Variants in C3orf52 observed in about 807,000 individuals in gnomAD.
The protein encoded by C3orf52 is chromosome 3 open reading frame 52, also known as TPA-induced transmembrane protein.
C3orf52 carries 22 observed loss-of-function variants against 24.8 expected under a neutral mutation model. That is an observed-to-expected ratio of 0.89 (90% CI 0.63 to 1.27). C3orf52 has a LOEUF of 1.27. C3orf52 is among the 50% of genes most tolerant of loss of function. The probability of loss-of-function intolerance (pLI) is 0.00; values close to 1 mark genes in which losing one functional copy is unlikely to be tolerated. For synonymous variants in C3orf52, 93 were observed against 100.2 expected, an observed-to-expected ratio of 0.93 and a Z score of 0.43; for missense variants, 265 against 260.7, an observed-to-expected ratio of 1.02 and a Z score of -0.11.
chr3:112,108,009 G>A (rs1433241721), intron 3 of C3orf52, among the ~76,000 whole-genome samples: 3 of 152,162 alleles, frequency 2.0e-5, no homozygotes, highest in Non-Finnish European at 4.4e-5. Flanking sequence ...AAGCCATAAT[G>A]GCTGTAGCTG....
At chr3:112,119,581 G>A, downstream of C3orf52, 2 of 700,374 alleles carry the variant, frequency 2.9e-6, no homozygotes, top group South Asian at 1.5e-5. Context: ...TCTCTCTTTT[G>A]TCTTTTACAT....
chr3:112,096,031 T>C (rs1483815089), intron 2 of C3orf52, among the ~76,000 whole-genome samples: 1 of 152,216 alleles, frequency 6.6e-6, no homozygotes, highest in Non-Finnish European at 1.5e-5. Flanking sequence ...CCTGTGGCTG[T>C]CTGGATTTAC....
intron 1 of C3orf52, among the ~76,000 whole-genome samples, 177 bp downstream of exon 1, chr3:112,086,722 C>G (rs1026378037): frequency 6.6e-6 from 1 of 152,126 alleles, no homozygotes; most frequent in Admixed American, 6.5e-5. Flanking sequence ...CCTTTCGGCC[C>G]GAGCAGTCCC....
intron 3 of C3orf52, among the ~76,000 whole-genome samples, chr3:112,108,145 C>G (rs1368420024): frequency 6.6e-6 from 1 of 151,982 alleles, no homozygotes; most frequent in Non-Finnish European, 1.5e-5. Context: ...ATAAAACTAA[C>G]CACTTCAGAT....
chr3:112,102,688 T>C (rs919398165), intron 2 of C3orf52, 150 bp from the exon 3 acceptor site: 2 of 705,316 alleles, frequency 2.8e-6, no homozygotes, highest in Non-Finnish European at 4.4e-6. Flanking sequence ...GGAGAAAGCA[T>C]TTCTGCTTAC....
chr3:112,129,308 A>G (rs1278177133), downstream of C3orf52: 4 of 152,210 alleles, frequency 2.6e-5, no homozygotes, highest in African/African-American at 9.7e-5. Context: ...TTTTAAATCT[A>G]TAAAAGAGGA....
intron 4 of C3orf52, chr3:112,123,649 C>T: frequency 1.2e-6 from 2 of 1,614,144 alleles, no homozygotes; most frequent in Non-Finnish European, 1.7e-6. Flanking sequence ...CTGGGTCTCT[C>T]AGCTTTGCAG....
downstream of C3orf52, chr3:112,123,120 TAAG>T: frequency 3.4e-6 from 1 of 295,380 alleles, no homozygotes; most frequent in East Asian, 8.1e-5. Context: ...GAACACTTTA[TAAG>T]AAGATCCCAG....
chr3:112,116,396 A>T (rs2074133518), intron 5 of C3orf52, among the ~76,000 whole-genome samples: 1 of 152,212 alleles, frequency 6.6e-6, no homozygotes, highest in Admixed American at 6.5e-5. Flanking sequence ...CATCAAAATT[A>T]TTTCTCATGC....
downstream of C3orf52, chr3:112,130,633 G>T (rs902544978): frequency 2.3e-6 from 2 of 873,734 alleles, no homozygotes; most frequent in Non-Finnish European, 3.8e-6. Flanking sequence ...AAATTGACTG[G>T]TTGCCCTCAC....
At chr3:112,107,272 A>G (rs1490563604) in intron 3 of C3orf52, among the ~76,000 whole-genome samples, 1 of 152,232 alleles carries the variant, frequency 6.6e-6, no homozygotes, top group East Asian at 1.9e-4. Context: ...CACCTTTGCC[A>G]TAGGAAGCTC....
chr3:112,129,602 C>G (rs764171171), downstream of C3orf52: 1 of 152,104 alleles, frequency 6.6e-6, no homozygotes, highest in Non-Finnish European at 1.5e-5. Context: ...GTTATAATGC[C>G]GTGGCCCTTC....
chr3:112,120,960 A>G (rs919998403), downstream of C3orf52: 6 of 152,182 alleles, frequency 3.9e-5, no homozygotes, highest in African/African-American at 1.4e-4. Flanking sequence ...TTGACTGACA[A>G]ATCATAATTG....
downstream of C3orf52, chr3:112,130,794 G>T (rs150225571): frequency 1.4e-3 from 614 of 452,614 alleles, 7 homozygotes; most frequent in East Asian, 0.02. Context: ...AGGGATCCTC[G>T]TCATGACCCT....
chr3:112,120,403 TGTC>T (rs2074176241), downstream of C3orf52, among the ~76,000 whole-genome samples: 1 of 152,242 alleles, frequency 6.6e-6, no homozygotes, highest in African/African-American at 2.4e-5. Context: ...TTCAACTTGT[TGTC>T]AACAGATTTT....
rs1271305729 is a variant in C3orf52, at chr3:112,116,625, C to T, written c.650-17C>T. ...TTAAAAATCAGTAACTTTTGTTCATCTGTGTTTTCTTTTTAGAATGAAGTG... is the reference window on the plus strand; with the variant it reads ...TTAAAAATCAGTAACTTTTGTTCATTTGTGTTTTCTTTTTAGAATGAAGTG... On this transcript the variant is annotated splice_polypyrimidine_tract_variant and intron_variant, in intron 5 of 5. Transcript: ENST00000264848. 1 of 1,542,666 alleles carries T rather than the reference C, an allele frequency of 6.5e-7. No homozygotes were observed. Among genetic ancestry groups the T allele is most frequent in the Admixed American group, 2.1e-5 (1 of 48,394 alleles).
intron 3 of C3orf52, among the ~76,000 whole-genome samples, chr3:112,105,089 C>T (rs1447342493): frequency 6.6e-6 from 1 of 152,110 alleles, no homozygotes; most frequent in East Asian, 1.9e-4. Context: ...TGAGGAAATT[C>T]TGCGGGTATT....
At chr3:112,086,951 T>G (rs1423095724) in intron 1 of C3orf52, among the ~76,000 whole-genome samples, 1 of 152,186 alleles carries the variant, frequency 6.6e-6, no homozygotes, top group Non-Finnish European at 1.5e-5. Flanking sequence ...TCTTCTGTCC[T>G]CCTCTTACCT....
At chr3:112,105,887 A>T (rs907363890) in intron 3 of C3orf52, among the ~76,000 whole-genome samples, 7 of 151,382 alleles carry the variant, frequency 4.6e-5, no homozygotes, top group African/African-American at 1.7e-4. Context: ...TGTGCTTCTG[A>T]CCAACCAGCT....
Sources: allele counts gnomAD v4.1 joint callset (sites outside exome capture counted in the v4.1 genomes callset), GRCh38; gene constraint gnomAD v4.1.1; transcripts MANE v1.5; gene names NCBI Gene and HGNC (gene_info 2026-07-23, HGNC 2026-07-21).